Variants in CYP51A1 observed in about 807,000 individuals in gnomAD.
The protein encoded by CYP51A1 is lanosterol 14-alpha demethylase.
Under a neutral mutation model 53.5 loss-of-function variants are expected in CYP51A1, and 45 were observed. The ratio of observed to expected loss-of-function variants is 0.84; its 90% CI spans 0.66 to 1.08. CYP51A1 has a LOEUF of 1.08. Ranked by LOEUF, CYP51A1 falls within the 50% of genes least tolerant of loss-of-function variation. CYP51A1 has a pLI of 0.00. For synonymous variants in CYP51A1, 181 were observed against 217.7 expected (o/e 0.83, Z 1.48); for missense variants, 462 against 621.7 (o/e 0.74, Z 2.73).
chr7:92,117,882 G>A (rs977307532), intron 8 of CYP51A1, among the ~76,000 whole-genome samples: 2 of 151,854 alleles, frequency 1.3e-5, no homozygotes. Flanking sequence ...CAGCTACTTG[G>A]GAGGCTGAGG....
chr7:92,128,842 A>G (rs373442381), intron 3 of CYP51A1, 38 bp downstream of exon 3: 15 of 1,538,010 alleles, frequency 9.8e-6, no homozygotes, highest in Non-Finnish European at 1.2e-5. Flanking sequence ...CTACTGAGGT[A>G]TAGATTTGTC....
chr7:92,117,725 C>T (rs2130943178), intron 8 of CYP51A1, among the ~76,000 whole-genome samples: 1 of 152,298 alleles, frequency 6.6e-6, no homozygotes, highest in African/African-American at 2.4e-5. Context: ...CGCGGGATTA[C>T]ACCTGTAATC....
chr7:92,114,527 A>G (rs1819542028), intron 9 of CYP51A1, among the ~76,000 whole-genome samples: 2 of 152,210 alleles, frequency 1.3e-5, no homozygotes, highest in South Asian at 4.1e-4. Context: ...TTATCAGTAC[A>G]GACACCAAAG....
chr7:92,127,949 G>GTATACCTTAA (rs1327778626), intron 3 of CYP51A1, among the ~76,000 whole-genome samples: 9 of 152,168 alleles, frequency 5.9e-5, no homozygotes, highest in Non-Finnish European at 1.3e-4. Context: ...TAGGGTACTG[G>GTATACCTTAA]CTAATGTGTG....
chr7:92,126,346 T>C lies in CYP51A1; in HGVS notation c.677A>G (p.Asn226Ser), dbSNP rs1194927681. The C allele has an allele frequency of 3.7e-6, 6 of 1,613,222 alleles. No homozygotes were observed. Among genetic ancestry groups the C allele is most frequent in the Admixed American group, 1.7e-5 (1 of 59,960 alleles). The change falls in exon 5 of 10, where the codon AAT (asparagine) becomes AGT (serine). Residue 226 changes from asparagine (N) to serine (S), a missense_variant. Physicochemically the swap from Asn to Ser is conservative, Grantham distance 46. Transcript: ENST00000003100. ...LHGKEIRSQL[N>S]EKVAQLYADL... ...TGCATACAGCTGTGCTACCTTTTCA[T>C]TGAGTTGACTTCTGATTTCCTTTCC...
Position 92,118,564 on chromosome 7 carries a change from T to G in CYP51A1, c.1138A>C (p.Arg380=), listed in dbSNP as rs2130944202. ...CTCATCATGATCATTATAGGAGGTC[T>G]AAGTCTTAATGTTTCTTTTATACAG... ...DRCIKETLRL[R]PPIMIMMRMA... Residue 380 remains arginine, a synonymous_variant, in exon 8 of 10, where the codon AGA becomes CGA. Coordinates refer to ENST00000003100, the MANE Select transcript of CYP51A1 (RefSeq NM_000786.4). 2.5e-6 allele frequency: 4 copies of G among 1,601,130 alleles called. No individual in the cohort carries two copies. The South Asian group carries it at 4.4e-5, about 18-fold the overall frequency.
In CYP51A1 at chr7:92,113,459, TATC is replaced by T. The variant is rs777618375; in HGVS notation, c.*203_*205del. On this transcript the variant is annotated 3_prime_UTR_variant, in exon 10 of 10. Coordinates refer to ENST00000003100, the MANE Select transcript of CYP51A1 (RefSeq NM_000786.4). ...AACTTCCTGAAAGCACATGTATAAG[TATC>T]ATAACTATTAGAAAATGTTTCAAAT... 3.7e-5 allele frequency: 19 copies of T among 513,600 alleles called. No individual in the cohort carries two copies. The highest frequency in any genetic ancestry group is 6.1e-5 in the Non-Finnish European group (18 of 296,630). 31.8% of individuals were successfully genotyped at this position (513,600 alleles called of 1,614,324 possible). A position where few individuals can be genotyped will look rare whatever the true frequency, so the allele number is the denominator to read the frequency against.
intron 3 of CYP51A1, 150 bp from the exon 4 acceptor site, chr7:92,127,781 GATCT>G (rs1819830983): frequency 1.4e-6 from 1 of 724,978 alleles, no homozygotes; most frequent in Non-Finnish European, 2.3e-6. Flanking sequence ...TAAATGAATA[GATCT>G]ATCTGACTCT....
intron 2 of CYP51A1, 53 bp from the exon 3 acceptor site, chr7:92,129,109 G>A (rs1819868451): frequency 6.3e-6 from 7 of 1,107,770 alleles, no homozygotes; most frequent in Middle Eastern, 2.1e-4. Context: ...GCAACACTAC[G>A]ACAGTAACTT....
At chr7:92,132,318 T>C (rs1027855605) in intron 1 of CYP51A1, among the ~76,000 whole-genome samples, 11 of 152,338 alleles carry the variant, frequency 7.2e-5, no homozygotes, top group Non-Finnish European at 1.5e-4. Context: ...TTATATAAAA[T>C]GGCAAAGTAT....
chr7:92,130,670 G>A (rs778649543), intron 2 of CYP51A1, among the ~76,000 whole-genome samples: 5 of 152,114 alleles, frequency 3.3e-5, no homozygotes, highest in African/African-American at 7.2e-5. Flanking sequence ...AATACAAGTA[G>A]GTTTGCATAT....
chr7:92,123,474 A>G (rs1365183140), intron 6 of CYP51A1, among the ~76,000 whole-genome samples, 159 bp from the exon 7 acceptor site: 1 of 152,196 alleles, frequency 6.6e-6, no homozygotes, highest in African/African-American at 2.4e-5. Context: ...TAGGGAAGAG[A>G]CAGACCAGCA....
intron 1 of CYP51A1, among the ~76,000 whole-genome samples, chr7:92,132,817 T>C (rs919325446): frequency 6.6e-6 from 1 of 152,172 alleles, no homozygotes; most frequent in African/African-American, 2.4e-5. Flanking sequence ...CATAAAAGTT[T>C]CTTTAGATGC....
At chr7:92,134,097 G>A in intron 1 of CYP51A1, 76 bp downstream of exon 1, 7 of 1,453,934 alleles carry the variant, frequency 4.8e-6, no homozygotes, top group Non-Finnish European at 5.7e-6. Flanking sequence ...TCGGGGCCAC[G>A]GAGCCGCCCA....
intron 9 of CYP51A1, among the ~76,000 whole-genome samples, chr7:92,114,371 AAG>A (rs1308167319): frequency 6.6e-6 from 1 of 152,188 alleles, no homozygotes; most frequent in Non-Finnish European, 1.5e-5. Flanking sequence ...ATCTTGGAAA[AAG>A]AACTGAGTTG....
chr7:92,120,843 AGAT>A (rs1819677385), intron 7 of CYP51A1, among the ~76,000 whole-genome samples: 1 of 152,244 alleles, frequency 6.6e-6, no homozygotes, highest in Non-Finnish European at 1.5e-5. Flanking sequence ...AAAAAAAAAT[AGAT>A]GAACTCTTAC....
At chr7:92,120,343 G>A (rs769949317) in intron 7 of CYP51A1, among the ~76,000 whole-genome samples, 10 of 152,138 alleles carry the variant, frequency 6.6e-5, no homozygotes, top group Non-Finnish European at 1.3e-4. Context: ...TCACACTCCC[G>A]AATTCAAAAC....
At chr7:92,126,171 T>A (rs1584635851) in intron 5 of CYP51A1, 82 bp downstream of exon 5, 1 of 956,448 alleles carries the variant, frequency 1.0e-6, no homozygotes, top group East Asian at 2.9e-5. Context: ...TTAATTTTTA[T>A]CTTTGTTAAG....
At chr7:92,128,835 C>G (rs1249998809) in intron 3 of CYP51A1, 45 bp downstream of exon 3, 2 of 1,477,430 alleles carry the variant, frequency 1.4e-6, no homozygotes, top group Non-Finnish European at 1.9e-6. Context: ...GCTATAACTA[C>G]TGAGGTATAG....
Sources: gnomAD v4.1 joint callset for allele counts (sites outside exome capture counted in the v4.1 genomes callset) on GRCh38, gnomAD v4.1.1 for gene constraint, MANE v1.5 for transcripts, NCBI Gene and HGNC (gene_info 2026-07-23, HGNC 2026-07-21) for gene names.